The following VAT1L variants were observed in gnomAD, a reference collection of about 807,000 sequenced individuals.
VAT1L encodes vesicle amine transport 1 like, also known as putative NADPH-dependent quinone oxidoreductase VAT1L.
VAT1L carries 34 observed loss-of-function variants against 44.1 expected under a neutral mutation model. That is an observed-to-expected ratio of 0.77 (90% CI 0.59 to 1.03). The LOEUF (loss-of-function observed/expected upper bound fraction) is 1.03. Ranked by LOEUF, VAT1L falls within the 50% of genes least tolerant of loss-of-function variation. The pLI is 0.00. For missense variants in VAT1L, 615 were observed against 538.8 expected, an observed-to-expected ratio of 1.14 and a Z score of -1.40; for synonymous variants, 253 against 202.2, an observed-to-expected ratio of 1.25 and a Z score of -2.13.
At chr16:77,816,119 C>A in intron 1 of VAT1L, among the ~76,000 whole-genome samples, 1 of 151,704 alleles carries the variant, frequency 6.6e-6, no homozygotes, top group Non-Finnish European at 1.5e-5. Context: ...AGTCCAGGAG[C>A]ATTGCTAATA....
chr16:77,945,797 C>CTTTTTTTTTT (rs58436423), intron 7 of VAT1L, among the ~76,000 whole-genome samples: 1 of 141,172 alleles, frequency 7.1e-6, no homozygotes, highest in Admixed American at 7.0e-5. Flanking sequence ...AGTGGCTTGA[C>CTTTTTTTTTT]TTTTTTTTTT....
intron 7 of VAT1L, among the ~76,000 whole-genome samples, chr16:77,960,085 C>A (rs1202687869): frequency 6.6e-6 from 1 of 152,100 alleles, no homozygotes; most frequent in Non-Finnish European, 1.5e-5. Context: ...CCAACCAGGT[C>A]AAATCCCCAT....
At chr16:77,911,247 A>G (rs2017496795) in intron 7 of VAT1L, among the ~76,000 whole-genome samples, 1 of 152,192 alleles carries the variant, frequency 6.6e-6, no homozygotes, top group Non-Finnish European at 1.5e-5. Flanking sequence ...AGGAAAATAC[A>G]CATTGTAAGC....
At chr16:77,876,826 C>G (rs1359180741) in intron 5 of VAT1L, among the ~76,000 whole-genome samples, 4 of 152,076 alleles carry the variant, frequency 2.6e-5, no homozygotes, top group African/African-American at 9.7e-5. Flanking sequence ...CATGAAGGAC[C>G]CACAGTAGGA....
At chr16:77,902,921 T>C (rs34349926) in intron 7 of VAT1L, among the ~76,000 whole-genome samples, 33,935 of 142,606 alleles carry the variant, frequency 0.24, 3,908 homozygotes, top group South Asian at 0.26. Context: ...TTCAGTGAGC[T>C]GAGATGGAGC....
Position 77,788,814 on chromosome 16 carries a change from G to A in VAT1L, c.132G>A (p.Ala44=), listed in dbSNP as rs772088377. The A allele has an allele frequency of 5.7e-6, 9 of 1,576,846 alleles. No homozygotes were observed. The highest frequency in any genetic ancestry group is 2.7e-5 in the African/African-American group (2 of 74,350). The change falls in exon 1 of 9, where the codon GCG becomes GCA. Residue 44 remains alanine, a synonymous_variant. Transcript: ENST00000302536. ...HRLGDAQEMR[A]VVLAGFGGLN... is the part of the protein sequence containing the mutation. Reference sequence around the variant, plus strand: ...TCGGGGACGCCCAGGAGATGCGCGCGGTGGTGCTGGCTGGCTTCGGGGGGC... The same window carrying A: ...TCGGGGACGCCCAGGAGATGCGCGCAGTGGTGCTGGCTGGCTTCGGGGGGC...
chr16:77,925,371 A>T (rs1291620467), intron 7 of VAT1L, among the ~76,000 whole-genome samples: 1 of 152,180 alleles, frequency 6.6e-6, no homozygotes, highest in African/African-American at 2.4e-5. Context: ...TTTACCAAAT[A>T]GTCACTAATT....
At chr16:77,850,369 G>C (rs1331735672) in intron 3 of VAT1L, among the ~76,000 whole-genome samples, 1 of 152,166 alleles carries the variant, frequency 6.6e-6, no homozygotes, top group Non-Finnish European at 1.5e-5. Flanking sequence ...ACCAGGTCAA[G>C]TTCCCTCAGG....
intron 8 of VAT1L, among the ~76,000 whole-genome samples, chr16:77,975,268 G>A (rs2018325587): frequency 7.4e-6 from 1 of 134,882 alleles, no homozygotes; most frequent in Non-Finnish European, 1.5e-5. Context: ...GGAGTGCAGT[G>A]GTGTGATCTC....
At chr16:77,880,616 T>TTTTTTGG (rs2017142405) in intron 6 of VAT1L, among the ~76,000 whole-genome samples, 5 of 144,492 alleles carry the variant, frequency 3.5e-5, no homozygotes, top group Non-Finnish European at 6.1e-5. Context: ...TTTTTTTTAG[T>TTTTTTGG]AATTTCAACT....
chr16:77,926,476 CA>C (rs1323754787), intron 7 of VAT1L, among the ~76,000 whole-genome samples: 2 of 151,830 alleles, frequency 1.3e-5, no homozygotes, highest in Non-Finnish European at 2.9e-5. Context: ...CCCAGCTACT[CA>C]AGAGGCTGAG....
chr16:77,887,956 C>G (rs980416576), intron 7 of VAT1L, among the ~76,000 whole-genome samples: 1 of 152,160 alleles, frequency 6.6e-6, no homozygotes, highest in Non-Finnish European at 1.5e-5. Flanking sequence ...ATTACCCTCA[C>G]CTCCTCCACC....
At chr16:77,927,347 A>AAAG (rs1478003721) in intron 7 of VAT1L, among the ~76,000 whole-genome samples, 3 of 151,538 alleles carry the variant, frequency 2.0e-5, no homozygotes, top group Admixed American at 1.3e-4. Context: ...CAAAAAAAAA[A>AAAG]AAAAACACTG....
At chr16:77,805,343 C>G (rs914313648) in intron 1 of VAT1L, among the ~76,000 whole-genome samples, 5 of 152,124 alleles carry the variant, frequency 3.3e-5, no homozygotes, top group African/African-American at 4.8e-5. Context: ...AGATTTATGC[C>G]CAAGATTTTC....
intron 1 of VAT1L, among the ~76,000 whole-genome samples, chr16:77,810,088 A>G (rs1042954301): frequency 6.6e-6 from 1 of 152,234 alleles, no homozygotes; most frequent in Non-Finnish European, 1.5e-5. Context: ...AAGGATAACT[A>G]TAATCCTCTG....
chr16:77,885,111 A>G (rs1162485865), intron 7 of VAT1L, among the ~76,000 whole-genome samples: 2 of 152,206 alleles, frequency 1.3e-5, no homozygotes, highest in Non-Finnish European at 2.9e-5. Flanking sequence ...TACATTGTTG[A>G]GGCATCATAC....
At position 77,849,548 on chromosome 16, in the gene VAT1L, C is replaced by T. The variant is rs115140322; in HGVS notation, c.580-13200C>T. Among the ~76,000 whole-genome samples, 1,007 of 152,256 alleles carry T rather than the reference C, an allele frequency of 6.6e-3. 7 individuals are homozygous for T. Among genetic ancestry groups the T allele is most frequent in the African/African-American group, 0.023 (962 of 41,532 alleles). Reference sequence around the variant, plus strand: ...TAACAGTGAAATAATTTTACTCTTACTACACTCGCAAAGAAAGCCAGTTAA... The same window carrying T: ...TAACAGTGAAATAATTTTACTCTTATTACACTCGCAAAGAAAGCCAGTTAA... On this transcript the variant is annotated intron_variant, in intron 3 of 8. Transcript: ENST00000302536.
At chr16:77,797,616 C>T (rs559721637) in intron 1 of VAT1L, among the ~76,000 whole-genome samples, 1 of 152,112 alleles carries the variant, frequency 6.6e-6, no homozygotes, top group Non-Finnish European at 1.5e-5. Flanking sequence ...ATAGACAATC[C>T]AGTCTCTGGA....
At chr16:77,802,876 C>CT (rs997612711) in intron 1 of VAT1L, among the ~76,000 whole-genome samples, 58 of 151,882 alleles carry the variant, frequency 3.8e-4, no homozygotes, top group Admixed American at 9.8e-4. Context: ...TAAATCCTTG[C>CT]TTTTTTTTGA....
Sources: allele counts gnomAD v4.1 joint callset (sites outside exome capture counted in the v4.1 genomes callset), GRCh38; gene constraint gnomAD v4.1.1; transcripts MANE v1.5; gene names NCBI Gene and HGNC (gene_info 2026-07-23, HGNC 2026-07-21).